SLC4A5: variants seen among roughly 807,000 people sequenced by gnomAD.
SLC4A5 encodes the protein electrogenic sodium bicarbonate cotransporter 4.
A neutral mutation model predicts 120.4 loss-of-function variants in SLC4A5; 96 were observed. That is an observed-to-expected ratio of 0.80 (90% CI 0.68 to 0.94). SLC4A5 has a LOEUF of 0.94. Ranked by LOEUF, SLC4A5 falls within the 40% of genes least tolerant of loss-of-function variation. The pLI is 0.00. For synonymous variants in SLC4A5, 550 were observed against 571.1 expected (o/e 0.96, Z 0.53); for missense variants, 1,259 against 1,459.5 (o/e 0.86, Z 2.24).
intron 20 of SLC4A5, among the ~76,000 whole-genome samples, chr2:74,241,656 T>C (rs1248913249): frequency 4.0e-5 from 6 of 150,022 alleles, no homozygotes; most frequent in Admixed American, 3.3e-4. Context: ...GCAGGAGAAT[T>C]GCTTGAACCT....
intron 5 of SLC4A5, among the ~76,000 whole-genome samples, chr2:74,317,235 C>G (rs72903275): frequency 0.032 from 4,944 of 152,278 alleles, 279 homozygotes; most frequent in African/African-American, 0.11. Context: ...AGTCTTCTCT[C>G]CAAATGCATA....
At chr2:74,296,976 C>T (rs1386632618) in intron 7 of SLC4A5, among the ~76,000 whole-genome samples, 1 of 152,054 alleles carries the variant, frequency 6.6e-6, no homozygotes, top group Non-Finnish European at 1.5e-5. Context: ...GGCTTTGGAA[C>T]CTTGTGAGGT....
intron 8 of SLC4A5, among the ~76,000 whole-genome samples, chr2:74,279,123 C>A (rs753731482): frequency 1.3e-5 from 2 of 152,228 alleles, no homozygotes; most frequent in Non-Finnish European, 2.9e-5. Context: ...GCTCAGACTT[C>A]GCTGACCCTC....
At chr2:74,340,340 A>G (rs3821303) in intron 2 of SLC4A5, among the ~76,000 whole-genome samples, 32,207 of 152,060 alleles carry the variant, frequency 0.21, 4,807 homozygotes, top group East Asian at 0.47. Flanking sequence ...CCAAAAAAGC[A>G]CTTTTGTTCT....
chr2:74,231,374 G>T, intron 24 of SLC4A5, 66 bp from the exon 25 acceptor site: 1 of 1,454,012 alleles, frequency 6.9e-7, no homozygotes, highest in Non-Finnish European at 9.4e-7. Flanking sequence ...TGGCCCTCCT[G>T]CCCCTCTGTG....
chr2:74,336,486 A>G (rs1391524561), intron 3 of SLC4A5, among the ~76,000 whole-genome samples: 1 of 152,202 alleles, frequency 6.6e-6, no homozygotes, highest in Admixed American at 6.5e-5. Context: ...TAAAATGGGA[A>G]TGATAGCAGC....
chr2:74,231,848 G>A (rs1291049168), intron 24 of SLC4A5, among the ~76,000 whole-genome samples: 2 of 152,224 alleles, frequency 1.3e-5, no homozygotes, highest in Non-Finnish European at 2.9e-5. Context: ...CCTCATTCGG[G>A]CAGGCTGGGC....
At chr2:74,224,197 T>C (rs770523979) in intron 28 of SLC4A5, among the ~76,000 whole-genome samples, 3 of 152,208 alleles carry the variant, frequency 2.0e-5, no homozygotes, top group Non-Finnish European at 4.4e-5. Flanking sequence ...CTATAATTTC[T>C]GGACTGGCCC....
chr2:74,290,192 A>C (rs1672112770), intron 7 of SLC4A5: 1 of 985,372 alleles, frequency 1.0e-6, no homozygotes, highest in Admixed American at 6.1e-5. Flanking sequence ...GGTCCTGGAG[A>C]GAGGAGACAG....
At chr2:74,287,121 C>T (rs1672010005) in intron 7 of SLC4A5, among the ~76,000 whole-genome samples, 2 of 152,240 alleles carry the variant, frequency 1.3e-5, no homozygotes, top group Non-Finnish European at 2.9e-5. Flanking sequence ...GTCTTCCCTT[C>T]CTCCAGCCTG....
At chr2:74,326,191 T>C (rs1192702765) in intron 5 of SLC4A5, among the ~76,000 whole-genome samples, 1 of 152,226 alleles carries the variant, frequency 6.6e-6, no homozygotes, top group Non-Finnish European at 1.5e-5. Context: ...TAGCTTCAGC[T>C]GATTTGAGTT....
intron 3 of SLC4A5, among the ~76,000 whole-genome samples, chr2:74,336,410 G>C (rs1261911107): frequency 6.6e-6 from 1 of 152,144 alleles, no homozygotes; most frequent in African/African-American, 2.4e-5. Context: ...TTGGGGAAGT[G>C]ATTAAGAGCA....
At chr2:74,233,547 C>G in exon 23 of SLC4A5, 1 of 1,613,412 alleles carries the variant, frequency 6.2e-7, no homozygotes, top group Non-Finnish European at 8.5e-7. Context: ...GAACCAGCCT[C>G]GGTCAGGCCG....
At chr2:74,237,076 A>G (rs1342918884) in intron 21 of SLC4A5, among the ~76,000 whole-genome samples, 2 of 150,174 alleles carry the variant, frequency 1.3e-5, no homozygotes, top group Non-Finnish European at 2.9e-5. Flanking sequence ...TCCCGGGTTC[A>G]TGCCATTCTC....
chr2:74,337,994 G>A (rs1184986246), intron 3 of SLC4A5, among the ~76,000 whole-genome samples: 2 of 152,232 alleles, frequency 1.3e-5, no homozygotes, highest in Admixed American at 6.5e-5. Flanking sequence ...CTGACATGGA[G>A]CCTCTGGAGG....
chr2:74,250,734 G>A (rs1670764598), intron 16 of SLC4A5: 3 of 542,620 alleles, frequency 5.5e-6, no homozygotes, highest in African/African-American at 1.9e-5. Flanking sequence ...GGTGGACATA[G>A]AGGGTTTTGG....
At chr2:74,299,055 T>C (rs1672404954) in intron 7 of SLC4A5, among the ~76,000 whole-genome samples, 1 of 152,130 alleles carries the variant, frequency 6.6e-6, no homozygotes, top group African/African-American at 2.4e-5. Context: ...GTTCTCATGA[T>C]AGTGAATAAA....
chr2:74,230,316 C>T (rs1670028826), intron 25 of SLC4A5, among the ~76,000 whole-genome samples: 1 of 152,182 alleles, frequency 6.6e-6, no homozygotes, highest in East Asian at 1.9e-4. Flanking sequence ...GAACACCTTG[C>T]TTTCTGGAGT....
chr2:74,228,130 T>C (rs1223457086), intron 25 of SLC4A5, among the ~76,000 whole-genome samples: 1 of 152,148 alleles, frequency 6.6e-6, no homozygotes, highest in Non-Finnish European at 1.5e-5. Flanking sequence ...CACTGCACCG[T>C]GCGGAGGCCA....
Sources: allele counts gnomAD v4.1 joint callset (sites outside exome capture counted in the v4.1 genomes callset), GRCh38; gene constraint gnomAD v4.1.1; transcripts MANE v1.5; gene names NCBI Gene and HGNC (gene_info 2026-07-23, HGNC 2026-07-21).